BTN2A1: variants seen among roughly 807,000 people sequenced by gnomAD.
BTN2A1 encodes the protein butyrophilin, subfamily 2, member A1.
BTN2A1 carries 41 observed loss-of-function variants against 34.5 expected under a neutral mutation model. That is an observed-to-expected ratio of 1.19 (90% confidence interval 0.93 to 1.54). BTN2A1 has a LOEUF of 1.54. BTN2A1 is among the 40% of genes most tolerant of loss of function. BTN2A1 has a pLI of 0.00. For missense variants in BTN2A1, 642 were observed against 662.0 expected, an observed-to-expected ratio of 0.97 and a Z score of 0.33; for synonymous variants, 267 against 258.6, an observed-to-expected ratio of 1.03 and a Z score of -0.31.
intron 3 of BTN2A1, chr6:26,462,972 G>A (rs560428128): frequency 8.7e-7 from 1 of 1,153,400 alleles, no homozygotes; most frequent in South Asian, 1.4e-5. Context: ...TGCTGTGATG[G>A]GGCCTATAGG....
rs1763066156 is a variant in BTN2A1 at position 26,458,407 on chromosome 6, C to T, written c.-30-200C>T. On this transcript the variant is annotated intron_variant, in intron 1 of 7. Coordinates refer to ENST00000312541, the MANE Select transcript of BTN2A1 (RefSeq NM_007049.5). The stretch of plus-strand genomic sequence containing the variant: ...GTGAGCCGAGGAGGGCGGAAAAAGG[C>T]CCCCTTGATCTTGGCATTGATGGCT... Among the ~76,000 whole-genome samples, 3 of 152,268 alleles carry T rather than the reference C, an allele frequency of 2.0e-5. No individual in the cohort carries two copies. In the South Asian group the frequency reaches 6.2e-4, roughly 32 times the overall value.
At chr6:26,471,903 A>C (rs1324085367), downstream of BTN2A1, among the ~76,000 whole-genome samples, 1 of 152,230 alleles carries the variant, frequency 6.6e-6, no homozygotes, top group African/African-American at 2.4e-5. Context: ...TTCCATACTC[A>C]ACTTTCCTAT....
chr6:26,468,680 T>C lies in BTN2A1; in HGVS notation c.*131T>C. ...CAAGAGAACATCTTCCAGCTGCCTC[T>C]TTCACACCCACTACAGACCTCAGCC... is the stretch of plus-strand genomic sequence containing the variant. On this transcript the variant is annotated 3_prime_UTR_variant, in exon 8 of 8. Transcript: ENST00000312541. 1 of 1,613,414 alleles carries C rather than the reference T, an allele frequency of 6.2e-7. No homozygotes were observed. Among genetic ancestry groups the C allele is most frequent in the Non-Finnish European group, 8.5e-7 (1 of 1,179,986 alleles).
chr6:26,476,169 G>A (rs1763535480), exon 8 of BTN2A1: 5 of 1,536,512 alleles, frequency 3.3e-6, no homozygotes, highest in Non-Finnish European at 4.4e-6. Flanking sequence ...AGGGTGGTGA[G>A]TGGGTGCTGA....
At chr6:26,460,882 C>G (rs542181359) in intron 3 of BTN2A1, among the ~76,000 whole-genome samples, 1 of 152,290 alleles carries the variant, frequency 6.6e-6, no homozygotes, top group Admixed American at 6.5e-5. Context: ...ATCACTCCAG[C>G]CTGGGCGACA....
chr6:26,469,917 G>A (rs6456726), downstream of BTN2A1, among the ~76,000 whole-genome samples: 19,831 of 152,066 alleles, frequency 0.13, 3,449 homozygotes, highest in African/African-American at 0.4. Context: ...GGTAGCGCAC[G>A]CCTGTAGTCC....
rs373825818 is a variant in BTN2A1, at chr6:26,459,798, G to C, written c.400G>C (p.Asp134His). 1.2e-6 allele frequency: 2 copies of C among 1,614,006 alleles called. No homozygotes were observed. Among genetic ancestry groups the C allele is most frequent in the Middle Eastern group, 1.6e-4 (1 of 6,062 alleles). Residue 134 changes from aspartate to histidine, a missense_variant, in exon 3 of 8, where the codon GAT becomes CAT. By Grantham distance (81) the Asp-to-His change is moderately conservative (BLOSUM62 -1). Coordinates refer to ENST00000312541, the MANE Select transcript of BTN2A1 (RefSeq NM_007049.5). Reference sequence around the variant, plus strand: ...TTACTTCCAAGAAGGCAGGTCCTACGATGAGGCCATCCTGCACCTCGTAGT... The same window carrying C: ...TTACTTCCAAGAAGGCAGGTCCTACCATGAGGCCATCCTGCACCTCGTAGT... Reference protein sequence around the residue: ...RCYFQEGRSYDEAILHLVVAG... With the variant: ...RCYFQEGRSYHEAILHLVVAG...
chr6:26,463,949 C>T (rs1402771361), intron 4 of BTN2A1, among the ~76,000 whole-genome samples: 2 of 152,058 alleles, frequency 1.3e-5, no homozygotes, highest in African/African-American at 2.4e-5. Context: ...TACAGGCACA[C>T]GCCACCACAC....
chr6:26,459,641 C>CAG lies in BTN2A1; in HGVS notation c.251_252dup (p.Thr85GlufsTer16). ...CCGCAGTGTTTGTGTATAAAGGTGG[C>CAG]AGAGAGAGAACAGAGGAGCAGATGG... On this transcript the variant is annotated frameshift_variant, in exon 3 of 8. Coordinates refer to ENST00000312541, the MANE Select transcript of BTN2A1 (RefSeq NM_007049.5). LOFTEE classifies it high-confidence loss of function. 1 of 1,614,036 alleles carries CAG rather than the reference C, an allele frequency of 6.2e-7. No homozygotes were observed. Among genetic ancestry groups the CAG allele is most frequent in the East Asian group, 2.2e-5 (1 of 44,874 alleles).
intron 7 of BTN2A1, 153 bp from the exon 8 acceptor site, chr6:26,467,795 T>C (rs930253145): frequency 6.4e-7 from 1 of 1,564,888 alleles, no homozygotes; most frequent in African/African-American, 1.4e-5. Context: ...TAATTCTCAG[T>C]GTGTGAGCTG....
chr6:26,466,871 G>A (rs1763329369), intron 7 of BTN2A1, among the ~76,000 whole-genome samples: 1 of 152,180 alleles, frequency 6.6e-6, no homozygotes, highest in South Asian at 2.1e-4. Context: ...AAAGTAGACT[G>A]AATAAGTAAG....
chr6:26,465,791 C>A (rs1289831555), intron 5 of BTN2A1, 162 bp from the exon 6 acceptor site: 1 of 984,544 alleles, frequency 1.0e-6, no homozygotes, highest in Non-Finnish European at 1.2e-6. Context: ...TACTACCCAG[C>A]CACCTGATCA....
At chr6:26,463,566 G>T in intron 4 of BTN2A1, 41 bp downstream of exon 4, 1 of 1,585,154 alleles carries the variant, frequency 6.3e-7, no homozygotes, top group South Asian at 1.2e-5. Flanking sequence ...GTGCATGGGG[G>T]ATCCTCAGCA....
chr6:26,462,071 A>G (rs1346027563), intron 3 of BTN2A1, among the ~76,000 whole-genome samples: 1 of 152,082 alleles, frequency 6.6e-6, no homozygotes, highest in Non-Finnish European at 1.5e-5. Flanking sequence ...GACTTAAGTT[A>G]TTGATTTAAT....
chr6:26,469,401 G>T lies in BTN2A1; in HGVS notation c.*852G>T. 1 of 944,682 alleles carries T rather than the reference G, an allele frequency of 1.1e-6. No individual in the cohort carries two copies. Among genetic ancestry groups the T allele is most frequent in the Non-Finnish European group, 1.3e-6 (1 of 793,136 alleles). The allele number at this position is 944,682 out of a possible 1,614,324, so 58.5% of individuals were successfully genotyped here. ...TACAAATGATGGAGGATTCCAAAGAGTTTTTGTTTATTTGGGTTAATATTT... is the reference window on the plus strand; with the variant it reads ...TACAAATGATGGAGGATTCCAAAGATTTTTTGTTTATTTGGGTTAATATTT... On this transcript the variant is annotated 3_prime_UTR_variant, in exon 8 of 8. Transcript: ENST00000312541.
At position 26,463,409 on chromosome 6, in the gene BTN2A1, G is replaced by A; in HGVS notation, c.596G>A (p.Gly199Asp). 1.2e-6 allele frequency: 2 copies of A among 1,614,136 alleles called. No homozygotes were observed. The highest frequency in any genetic ancestry group is 2.2e-5 in the South Asian group (2 of 91,078). ...GAGGTCTCCATGCCTGATGCAGACG[G>A]CCTCTTCATGGTCACCACGGCTGTG... ...LKEVSMPDAD[G>D]LFMVTTAVII... The change falls in exon 4 of 8, where the codon GGC (glycine) becomes GAC (aspartate). Residue 199 changes from glycine to aspartate, a missense_variant. Gly to Asp is a moderately conservative substitution (Grantham distance 94, BLOSUM62 -1). Coordinates refer to ENST00000312541, the MANE Select transcript of BTN2A1 (RefSeq NM_007049.5).
In BTN2A1 at chr6:26,474,724, G is replaced by A. The variant is rs1012715711; in HGVS notation, c.983-1398G>A. ...AAACCTTCCAACTGCATGTTCTTAG[G>A]AACTAATTACAGTCAGAAAGGAGCA... On this transcript the variant is annotated intron_variant, in intron 7 of 7. Transcript: ENST00000469185. Among the ~76,000 whole-genome samples, 5 of 151,188 alleles carry A rather than the reference G, an allele frequency of 3.3e-5. No individual in the cohort carries two copies. In the East Asian group the frequency reaches 7.8e-4, roughly 24 times the overall value.
In BTN2A1 at chr6:26,468,584, G is replaced by A. The variant is rs73738456; in HGVS notation, c.*35G>A. On this transcript the variant is annotated 3_prime_UTR_variant, in exon 8 of 8. Transcript: ENST00000312541. ...CTTGGTCTCACAGCCATGTAGACAA[G>A]CCCTGGTCATCTCAGCAGCCACCGC... The A allele has an allele frequency of 1.4e-3, 2,287 of 1,614,102 alleles. 14 individuals are homozygous for A. The highest frequency in any genetic ancestry group is 9.7e-3 in the African/African-American group (729 of 75,006).
rs766864078 is a variant in BTN2A1 at position 26,459,515 on chromosome 6, C to T, written c.117C>T (p.Ile39=). Residue 39 remains isoleucine, a synonymous_variant, in exon 3 of 8, where the codon ATC becomes ATT. Coordinates refer to ENST00000312541, the MANE Select transcript of BTN2A1 (RefSeq NM_007049.5). The part of the protein sequence containing the change: ...QFIVVGPTDP[I]LATVGENTTL... ...TTGTCGTGGGGCCCACTGATCCCAT[C>T]TTGGCCACGGTTGGAGAAAACACTA... 1.6e-5 allele frequency: 26 copies of T among 1,613,840 alleles called. No homozygotes were observed. Among genetic ancestry groups the T allele is most frequent in the Non-Finnish European group, 2.2e-5 (26 of 1,179,882 alleles).
Sources: allele counts gnomAD v4.1 joint callset (sites outside exome capture counted in the v4.1 genomes callset), GRCh38; gene constraint gnomAD v4.1.1; transcripts MANE v1.5; gene names NCBI Gene and HGNC (gene_info 2026-07-23, HGNC 2026-07-21).